The following ARHGAP20 variants were observed in gnomAD, a reference collection of about 807,000 sequenced individuals.
ARHGAP20 encodes rho GTPase-activating protein 20.
A neutral mutation model predicts 73.7 loss-of-function variants in ARHGAP20; 34 were observed. The ratio of observed to expected loss-of-function variants is 0.46; its 90% CI spans 0.35 to 0.61. The LOEUF (loss-of-function observed/expected upper bound fraction) is 0.61. Ranked by LOEUF, ARHGAP20 falls within the 20% of genes least tolerant of loss-of-function variation. ARHGAP20 has a pLI of 0.00. For synonymous variants in ARHGAP20, 523 were observed against 518.2 expected (o/e 1.01, Z -0.13); for missense variants, 1,314 against 1,420.9 (o/e 0.92, Z 1.21).
At chr11:110,584,372 GACT>G (rs1380400198) in intron 12 of ARHGAP20, among the ~76,000 whole-genome samples, 3 of 82,020 alleles carry the variant, frequency 3.7e-5, no homozygotes, top group South Asian at 5.5e-4. Context: ...CAGCAAAAAT[GACT>G]ACTATTATCC....
At chr11:110,695,225 T>G (rs1487593087) in intron 1 of ARHGAP20, among the ~76,000 whole-genome samples, 2 of 151,528 alleles carry the variant, frequency 1.3e-5, no homozygotes, top group African/African-American at 4.8e-5. Flanking sequence ...CAGCTAAAAA[T>G]TATAAAAATC....
chr11:110,655,888 G>A (rs1341798989), intron 2 of ARHGAP20, among the ~76,000 whole-genome samples: 2 of 152,146 alleles, frequency 1.3e-5, no homozygotes, highest in South Asian at 2.1e-4. Context: ...GTTAATAGGT[G>A]TCTAAGATCA....
chr11:110,589,275 A>T (rs1947758894), intron 11 of ARHGAP20: 1 of 385,060 alleles, frequency 2.6e-6, no homozygotes, highest in Non-Finnish European at 3.6e-6. Context: ...TGCAAAACAG[A>T]TGAGGTGACC....
intron 5 of ARHGAP20, 39 bp from the exon 6 acceptor site, chr11:110,614,684 C>CA: frequency 7.4e-7 from 1 of 1,359,510 alleles, no homozygotes; most frequent in Non-Finnish European, 1.0e-6. Context: ...AACACTGAGT[C>CA]AGATGGAATT....
chr11:110,657,455 A>G (rs1949490763), intron 2 of ARHGAP20, among the ~76,000 whole-genome samples: 1 of 152,158 alleles, frequency 6.6e-6, no homozygotes, highest in Non-Finnish European at 1.5e-5. Flanking sequence ...GGGGAGTGGG[A>G]GAAGCTTGAA....
intron 2 of ARHGAP20, among the ~76,000 whole-genome samples, chr11:110,641,333 G>A (rs1284423715): frequency 2.0e-5 from 3 of 152,002 alleles, no homozygotes; most frequent in Non-Finnish European, 4.4e-5. Context: ...TTCCAAAGAA[G>A]AGAGTAACTA....
At chr11:110,665,090 C>G (rs1949697579) in intron 2 of ARHGAP20, among the ~76,000 whole-genome samples, 1 of 151,958 alleles carries the variant, frequency 6.6e-6, no homozygotes, top group African/African-American at 2.4e-5. Context: ...AAAACAATAA[C>G]CCATAGGTAT....
intron 9 of ARHGAP20, among the ~76,000 whole-genome samples, chr11:110,596,282 A>AAATTG (rs1333464707): frequency 6.6e-6 from 1 of 151,072 alleles, no homozygotes; most frequent in Admixed American, 6.6e-5. Context: ...ACAAGGGCCA[A>AAATTG]AATTGACAAA....
At chr11:110,600,172 C>T (rs1948074949) in intron 9 of ARHGAP20, among the ~76,000 whole-genome samples, 1 of 152,232 alleles carries the variant, frequency 6.6e-6, no homozygotes, top group African/African-American at 2.4e-5. Flanking sequence ...AGTGGTAACA[C>T]AAACAGGGCT....
chr11:110,680,135 T>C (rs1950010325), intron 2 of ARHGAP20, among the ~76,000 whole-genome samples: 1 of 152,158 alleles, frequency 6.6e-6, no homozygotes, highest in Non-Finnish European at 1.5e-5. Context: ...AGTTACAATA[T>C]GCCAAATACA....
At chr11:110,705,456 T>C (rs1950535710) in intron 1 of ARHGAP20, among the ~76,000 whole-genome samples, 1 of 152,186 alleles carries the variant, frequency 6.6e-6, no homozygotes, top group African/African-American at 2.4e-5. Flanking sequence ...ACTTGTGAAC[T>C]TTCAGTCTAT....
At chr11:110,711,248 T>C (rs1478463553) in intron 1 of ARHGAP20, among the ~76,000 whole-genome samples, 2 of 152,042 alleles carry the variant, frequency 1.3e-5, no homozygotes, top group Non-Finnish European at 2.9e-5. Context: ...CGCTACAAGT[T>C]GTCACCTGCA....
intron 1 of ARHGAP20, among the ~76,000 whole-genome samples, chr11:110,708,031 G>T (rs971057802): frequency 6.6e-6 from 1 of 151,252 alleles, no homozygotes; most frequent in Admixed American, 6.6e-5. Context: ...TCTTTTGAAA[G>T]ATACTCTTAA....
chr11:110,651,566 T>C (rs1459514208), intron 2 of ARHGAP20, among the ~76,000 whole-genome samples: 2 of 151,328 alleles, frequency 1.3e-5, no homozygotes, highest in African/African-American at 4.9e-5. Flanking sequence ...CCCACAGAAA[T>C]ATAAACAACT....
Position 110,577,517 on chromosome 11 carries a change from G to C in ARHGAP20, c.*1853C>G. On this transcript the variant is annotated 3_prime_UTR_variant, in exon 15 of 15. Transcript: ENST00000683387. ...TTCTTCCAGAAAGACACTCCAAGCC[G>C]TTAAGAGCTTCATTCACATCTTGCA... is the stretch of plus-strand genomic sequence containing the variant. 1 of 999,686 alleles carries C rather than the reference G, an allele frequency of 1.0e-6. No homozygotes were observed. Among genetic ancestry groups the C allele is most frequent in the Non-Finnish European group, 1.2e-6 (1 of 839,970 alleles). 61.9% of individuals were successfully genotyped at this position (999,686 alleles called of 1,614,324 possible). A position where few individuals can be genotyped will look rare whatever the true frequency, so the allele number is the denominator to read the frequency against.
intron 2 of ARHGAP20, among the ~76,000 whole-genome samples, chr11:110,667,678 T>C (rs888476125): frequency 4.6e-5 from 7 of 152,328 alleles, no homozygotes; most frequent in Admixed American, 6.5e-5. Context: ...CTGAAAGCTT[T>C]CTGAAAAGGA....
In ARHGAP20 at chr11:110,577,388, A is replaced by G. The variant is rs1211951038; in HGVS notation, c.*1982T>C. ...CAGGAGTATCTAAGGGAACACAGATAGTAGGAATGGTTATTAAAAAACCTC... is the reference window on the plus strand; with the variant it reads ...CAGGAGTATCTAAGGGAACACAGATGGTAGGAATGGTTATTAAAAAACCTC... On this transcript the variant is annotated 3_prime_UTR_variant, in exon 15 of 15. Transcript: ENST00000683387. 1.7e-6 allele frequency: 2 copies of G among 1,178,220 alleles called. No homozygotes were observed. The highest frequency in any genetic ancestry group is 2.1e-6 in the Non-Finnish European group (2 of 954,204). The allele number at this position is 1,178,220 out of a possible 1,614,324, so 73.0% of individuals were successfully genotyped here.
At chr11:110,690,841 A>G (rs1195654048) in intron 1 of ARHGAP20, 29 of 919,138 alleles carry the variant, frequency 3.2e-5, no homozygotes, top group Non-Finnish European at 4.2e-5. Flanking sequence ...GGTAAAAGCA[A>G]TAAGTATTTT....
intron 1 of ARHGAP20, among the ~76,000 whole-genome samples, chr11:110,702,538 C>A (rs111518162): frequency 0.055 from 8,402 of 152,054 alleles, 273 homozygotes; most frequent in Middle Eastern, 0.099. Context: ...CTGGCCAGGG[C>A]AATTAGGCAG....
Sources: gnomAD v4.1 joint callset for allele counts (sites outside exome capture counted in the v4.1 genomes callset) on GRCh38, gnomAD v4.1.1 for gene constraint, MANE v1.5 for transcripts, NCBI Gene and HGNC (gene_info 2026-07-23, HGNC 2026-07-21) for gene names.